USP32: variants seen among roughly 807,000 people sequenced by gnomAD.
The protein encoded by USP32 is ubiquitin specific peptidase 32.
In USP32, 59 loss-of-function variants were observed where a neutral mutation model predicts 204.8. The ratio of observed to expected loss-of-function variants is 0.29; its 90% CI spans 0.23 to 0.36. The LOEUF is 0.36. USP32 is among the 10% of genes least tolerant of loss of function. The pLI is 1.00. For missense variants in USP32, 1,160 were observed against 1,946.4 expected (o/e 0.60, Z 7.60); for synonymous variants, 517 against 678.4 (o/e 0.76, Z 3.70).
chr17:60,216,537 T>C (rs1413380010), intron 16 of USP32, among the ~76,000 whole-genome samples: 3 of 152,218 alleles, frequency 2.0e-5, no homozygotes, highest in Admixed American at 6.5e-5. Flanking sequence ...GCTGAGAAAA[T>C]ATGTGCATCA....
At chr17:60,255,485 A>G (rs2086278102) in intron 9 of USP32, among the ~76,000 whole-genome samples, 1 of 152,010 alleles carries the variant, frequency 6.6e-6, no homozygotes, top group African/African-American at 2.4e-5. Flanking sequence ...TTTTCAGTAG[A>G]AACGGGGTTT....
In USP32 at chr17:60,203,396, CAAAAAAA is replaced by C. The variant is rs554691150; in HGVS notation, c.3249+2044_3249+2050del. 1.4e-3 allele frequency among the ~76,000 whole-genome samples: 33 copies of C among 24,380 alleles called. No individual in the cohort carries two copies. The East Asian group carries it at 0.014, about 10-fold the overall frequency. 16.0% of individuals were successfully genotyped at this position (24,380 alleles called of 152,430 possible). A position where few individuals can be genotyped will look rare whatever the true frequency, so the allele number is the denominator to read the frequency against. On this transcript the variant is annotated intron_variant, in intron 26 of 33. Transcript: ENST00000300896. The stretch of plus-strand genomic sequence containing the variant: ...AGCCTGGGCGACAGAGCGAGACTGT[CAAAAAAA>C]AAAAAAAAAAAAAAAAAAGAATATA...
intron 1 of USP32, among the ~76,000 whole-genome samples, chr17:60,378,580 G>C (rs1474544665): frequency 6.6e-6 from 1 of 152,084 alleles, no homozygotes; most frequent in Non-Finnish European, 1.5e-5. Flanking sequence ...GTACAAACAA[G>C]ATGTAGTATA....
At chr17:60,411,102 G>A (rs1183417641) in intron 1 of USP32, among the ~76,000 whole-genome samples, 3 of 152,078 alleles carry the variant, frequency 2.0e-5, no homozygotes, top group Non-Finnish European at 2.9e-5. Flanking sequence ...GCCGAGGCAG[G>A]CGGATCACCT....
At chr17:60,317,814 C>T (rs949489181) in intron 2 of USP32, among the ~76,000 whole-genome samples, 8 of 152,058 alleles carry the variant, frequency 5.3e-5, no homozygotes, top group African/African-American at 1.9e-4. Context: ...GGTAAAAACC[C>T]GTCTCTACTA....
chr17:60,203,512 C>T (rs886689058), intron 26 of USP32, among the ~76,000 whole-genome samples: 5 of 150,116 alleles, frequency 3.3e-5, no homozygotes, highest in Non-Finnish European at 7.4e-5. Context: ...TTTACAATTT[C>T]GTTTTCTCTT....
intron 21 of USP32, among the ~76,000 whole-genome samples, chr17:60,210,750 A>ATATATGAACATCT (rs1323247932): frequency 2.6e-5 from 4 of 152,290 alleles, no homozygotes; most frequent in Non-Finnish European, 5.9e-5. Flanking sequence ...TTTACTCTTC[A>ATATATGAACATCT]TATAAGATGT....
intron 4 of USP32, among the ~76,000 whole-genome samples, chr17:60,290,757 G>GA (rs879454718): frequency 3.2e-4 from 47 of 144,862 alleles, no homozygotes; most frequent in East Asian, 6.0e-4. Context: ...TGGCCACTGG[G>GA]AAAAAAAAAA....
At chr17:60,228,009 T>C (rs1344531541) in intron 12 of USP32, among the ~76,000 whole-genome samples, 3 of 152,104 alleles carry the variant, frequency 2.0e-5, no homozygotes, top group Non-Finnish European at 2.9e-5. Context: ...ATTTAGATGG[T>C]TCACCAAAGT....
intron 28 of USP32, among the ~76,000 whole-genome samples, chr17:60,192,029 T>C (rs1447468108): frequency 1.3e-5 from 2 of 152,000 alleles, no homozygotes; most frequent in Non-Finnish European, 1.5e-5. Flanking sequence ...GCGTGGTGGC[T>C]CACACCTATA....
At chr17:60,221,814 A>T (rs760329098) in intron 15 of USP32, among the ~76,000 whole-genome samples, 24 of 152,164 alleles carry the variant, frequency 1.6e-4, no homozygotes, top group Non-Finnish European at 3.2e-4. Flanking sequence ...ACCAAAACAA[A>T]TCCCACCAAA....
At chr17:60,348,135 G>C (rs1175196867) in intron 1 of USP32, among the ~76,000 whole-genome samples, 8 of 151,268 alleles carry the variant, frequency 5.3e-5, no homozygotes, top group Non-Finnish European at 8.8e-5. Context: ...AAAAAAAAAA[G>C]AGTAAGTCAG....
At chr17:60,269,658 T>C (rs964676518) in intron 6 of USP32, 101 bp from the exon 7 acceptor site, 2 of 958,630 alleles carry the variant, frequency 2.1e-6, no homozygotes, top group Non-Finnish European at 3.0e-6. Flanking sequence ...ATAAACTGAC[T>C]GAATTTTTTT....
chr17:60,225,343 G>C (rs2085355759), intron 13 of USP32, among the ~76,000 whole-genome samples: 1 of 152,256 alleles, frequency 6.6e-6, no homozygotes, highest in South Asian at 2.1e-4. Flanking sequence ...TGTAGTCCCA[G>C]CTTCTTAGGA....
At chr17:60,413,883 A>G (rs2090039065) in intron 1 of USP32, among the ~76,000 whole-genome samples, 1 of 140,464 alleles carries the variant, frequency 7.1e-6, no homozygotes, top group South Asian at 2.2e-4. Context: ...AAAGAAAAAA[A>G]AAAAAAAAAA....
intron 5 of USP32, among the ~76,000 whole-genome samples, chr17:60,288,108 C>T (rs112611110): frequency 0.046 from 4,961 of 107,332 alleles, 374 homozygotes; most frequent in African/African-American, 0.19. Flanking sequence ...AGGGAGACTT[C>T]GTCTCAAAAA....
intron 18 of USP32, among the ~76,000 whole-genome samples, 156 bp downstream of exon 18, chr17:60,213,425 T>G (rs903344450): frequency 6.6e-6 from 1 of 151,470 alleles, no homozygotes; most frequent in Non-Finnish European, 1.5e-5. Context: ...GTTCAAAGGG[T>G]TTTCTTTTTC....
At chr17:60,409,778 G>C (rs2090004903) in intron 1 of USP32, among the ~76,000 whole-genome samples, 1 of 152,134 alleles carries the variant, frequency 6.6e-6, no homozygotes, top group African/African-American at 2.4e-5. Flanking sequence ...CATTGGAAGA[G>C]GAAGAATTGT....
intron 1 of USP32, among the ~76,000 whole-genome samples, chr17:60,387,486 T>C (rs1177414510): frequency 3.9e-5 from 6 of 152,232 alleles, no homozygotes; most frequent in Non-Finnish European, 1.5e-5. Context: ...TCCGTAGCAC[T>C]TTCTCCTATA....
Sources: gnomAD v4.1 joint callset for allele counts (sites outside exome capture counted in the v4.1 genomes callset) on GRCh38, gnomAD v4.1.1 for gene constraint, MANE v1.5 for transcripts, NCBI Gene and HGNC (gene_info 2026-07-23, HGNC 2026-07-21) for gene names.